Variants in GRID2 observed in about 807,000 individuals in gnomAD.
GRID2 encodes the protein glutamate receptor ionotropic, delta-2.
A neutral mutation model predicts 114.8 loss-of-function variants in GRID2; 33 were observed. The ratio of observed to expected loss-of-function variants is 0.29; its 90% CI spans 0.22 to 0.38. The LOEUF (loss-of-function observed/expected upper bound fraction) is 0.38. GRID2 is among the 10% of genes least tolerant of loss of function. The pLI, the probability that GRID2 is intolerant of heterozygous loss-of-function variation, is 1.00. For missense variants in GRID2, 1,184 were observed against 1,257.7 expected (o/e 0.94, Z 0.89); for synonymous variants, 505 against 449.9 (o/e 1.12, Z -1.55).
chr4:93,630,379 G>A (rs546581278), intron 14 of GRID2, among the ~76,000 whole-genome samples: 6 of 152,144 alleles, frequency 3.9e-5, no homozygotes, highest in African/African-American at 1.2e-4. Flanking sequence ...TGAATTTTTC[G>A]GGTTGACTTC....
intron 1 of GRID2, among the ~76,000 whole-genome samples, chr4:92,523,457 T>C (rs1258212969): frequency 6.6e-6 from 1 of 151,888 alleles, no homozygotes; most frequent in African/African-American, 2.4e-5. Context: ...TGTGAGCATG[T>C]TTGAGAGTAA....
intron 8 of GRID2, among the ~76,000 whole-genome samples, chr4:93,248,785 T>C (rs1038796754): frequency 1.3e-5 from 2 of 152,210 alleles, no homozygotes; most frequent in African/African-American, 2.4e-5. Flanking sequence ...ATGTGAGTAA[T>C]GCATAATTGG....
At chr4:93,052,857 G>A (rs1221999182) in intron 2 of GRID2, among the ~76,000 whole-genome samples, 1 of 151,786 alleles carries the variant, frequency 6.6e-6, no homozygotes, top group Non-Finnish European at 1.5e-5. Flanking sequence ...ATTCTGGAGT[G>A]TCCCATCAGT....
chr4:93,216,778 C>T lies in GRID2; in HGVS notation c.830C>T (p.Ser277Leu). The change falls in exon 6 of 16, where the codon TCA becomes TTA. Residue 277 changes from serine (S) to leucine (L), a missense_variant. Physicochemically the swap from Ser to Leu is moderately radical, Grantham distance 145. Transcript: ENST00000282020. The part of the protein sequence containing the change: ...DVDVQELVRR[S>L]IGRLTIIRQT... ...GACGTACAGGAACTTGTAAGAAGGT[C>T]AATTGGAAGGTTAACGATTATTCGG... is the stretch of plus-strand genomic sequence containing the variant. 1 of 1,612,020 alleles carries T rather than the reference C, an allele frequency of 6.2e-7. No individual in the cohort carries two copies. The highest frequency in any genetic ancestry group is 1.1e-5 in the South Asian group (1 of 91,030).
intron 2 of GRID2, among the ~76,000 whole-genome samples, chr4:92,684,095 G>A (rs1351872196): frequency 6.6e-6 from 1 of 151,784 alleles, no homozygotes; most frequent in South Asian, 2.1e-4. Context: ...TGATGTACTA[G>A]CAAGTAAATA....
At chr4:93,596,207 G>A (rs1476755127) in intron 13 of GRID2, among the ~76,000 whole-genome samples, 1 of 152,158 alleles carries the variant, frequency 6.6e-6, no homozygotes, top group African/African-American at 2.4e-5. Flanking sequence ...AATTGTATAT[G>A]TTTAATGTAC....
chr4:92,427,058 A>G (rs75812803), intron 1 of GRID2, among the ~76,000 whole-genome samples: 6,535 of 152,220 alleles, frequency 0.043, 151 homozygotes, highest in South Asian at 0.081. Flanking sequence ...TTGAATTATT[A>G]AATAGTGGAC....
At chr4:93,252,002 T>C (rs1335457759) in intron 8 of GRID2, among the ~76,000 whole-genome samples, 1 of 152,184 alleles carries the variant, frequency 6.6e-6, no homozygotes, top group Non-Finnish European at 1.5e-5. Flanking sequence ...TAACTAGTAT[T>C]GGGATTGCTG....
chr4:93,503,995 C>T (rs1728390418), intron 12 of GRID2, among the ~76,000 whole-genome samples: 1 of 152,060 alleles, frequency 6.6e-6, no homozygotes, highest in Non-Finnish European at 1.5e-5. Flanking sequence ...TCATTAGATA[C>T]TTCACTGAAA....
chr4:92,482,028 ATATAT>A (rs1722637497), intron 1 of GRID2, among the ~76,000 whole-genome samples: 18 of 69,116 alleles, frequency 2.6e-4, no homozygotes, highest in South Asian at 9.0e-4. Context: ...ATATATATAT[ATATAT>A]AAAATAACAA....
intron 2 of GRID2, among the ~76,000 whole-genome samples, chr4:92,608,788 T>C (rs1729581455): frequency 6.6e-6 from 1 of 151,838 alleles, no homozygotes; most frequent in South Asian, 2.1e-4. Context: ...ATTGGTCTGA[T>C]TATTACAAGT....
intron 14 of GRID2, among the ~76,000 whole-genome samples, chr4:93,750,539 G>C (rs906051964): frequency 1.3e-5 from 2 of 152,140 alleles, no homozygotes; most frequent in African/African-American, 4.8e-5. Flanking sequence ...GGAGGCCAAG[G>C]TGAGTGGATC....
At chr4:92,650,135 C>T (rs1301218505) in intron 2 of GRID2, among the ~76,000 whole-genome samples, 1 of 151,862 alleles carries the variant, frequency 6.6e-6, no homozygotes, top group Non-Finnish European at 1.5e-5. Context: ...AATAGATTTG[C>T]TTAATATATG....
intron 2 of GRID2, among the ~76,000 whole-genome samples, chr4:92,766,184 CAGA>C (rs1378915573): frequency 2.6e-5 from 4 of 152,070 alleles, no homozygotes; most frequent in African/African-American, 7.2e-5. Context: ...AATTTTCTGC[CAGA>C]AGAAGTCACA....
intron 2 of GRID2, among the ~76,000 whole-genome samples, chr4:93,028,726 T>C (rs1724116219): frequency 6.6e-6 from 1 of 152,020 alleles, no homozygotes; most frequent in Admixed American, 6.6e-5. Context: ...TTCTCAATAA[T>C]TTTTGAGCAA....
chr4:93,072,185 C>T (rs1180310333), intron 2 of GRID2, among the ~76,000 whole-genome samples: 4 of 152,068 alleles, frequency 2.6e-5, no homozygotes, highest in Non-Finnish European at 4.4e-5. Context: ...ATCTATTAAA[C>T]TCTAATTTTT....
At chr4:93,377,848 A>G (rs984997978) in intron 8 of GRID2, among the ~76,000 whole-genome samples, 17 of 151,896 alleles carry the variant, frequency 1.1e-4, no homozygotes, top group Admixed American at 2.6e-4. Flanking sequence ...TTTAAAAAGC[A>G]TTCTGGAAAA....
rs1298128571 is a variant in GRID2, at chr4:93,563,902, A to G, written c.2193+48491A>G. Among the ~76,000 whole-genome samples the G allele has an allele frequency of 2.0e-5, 3 of 152,134 alleles. No homozygotes were observed. In the East Asian group the frequency reaches 5.8e-4, roughly 29 times the overall value. On this transcript the variant is annotated intron_variant, in intron 13 of 15. Transcript: ENST00000282020. Reference sequence around the variant, plus strand: ...CTATCAACAAACATAGCTAAATGTTACTACATTTTAATAGAGTAACACTGA... The same window carrying G: ...CTATCAACAAACATAGCTAAATGTTGCTACATTTTAATAGAGTAACACTGA...
At chr4:92,493,995 T>C (rs138284659) in intron 1 of GRID2, among the ~76,000 whole-genome samples, 117 of 152,274 alleles carry the variant, frequency 7.7e-4, no homozygotes, top group African/African-American at 2.7e-3. Context: ...TAGTATTAGC[T>C]CCTTGCACTT....
Sources: gnomAD v4.1 joint callset for allele counts (sites outside exome capture counted in the v4.1 genomes callset) on GRCh38, gnomAD v4.1.1 for gene constraint, MANE v1.5 for transcripts, NCBI Gene and HGNC (gene_info 2026-07-23, HGNC 2026-07-21) for gene names.